NOC3L: variants seen among roughly 807,000 people sequenced by gnomAD.
The protein encoded by NOC3L is nucleolar complex protein 3 homolog.
NOC3L carries 85 observed loss-of-function variants against 102.5 expected under a neutral mutation model. That is an observed-to-expected ratio of 0.83 (90% confidence interval 0.70 to 0.99). NOC3L has a LOEUF of 0.99. Among genes scored for constraint, NOC3L ranks in the 50% least tolerant of loss-of-function variants. The pLI, the probability that NOC3L is intolerant of heterozygous loss-of-function variation, is 0.00. For missense variants in NOC3L, 878 were observed against 914.9 expected, an observed-to-expected ratio of 0.96 and a Z score of 0.52; for synonymous variants, 303 against 309.4, an observed-to-expected ratio of 0.98 and a Z score of 0.22.
downstream of NOC3L, chr10:94,332,595 A>AT (rs1455221701): frequency 1.3e-5 from 2 of 152,066 alleles, no homozygotes; most frequent in Admixed American, 6.6e-5. Flanking sequence ...ATGCACAAAT[A>AT]TATTTCCTCA....
In NOC3L at chr10:94,358,122, C is replaced by T; in HGVS notation, c.311G>A (p.Gly104Glu). ...EDDLQLMKDL[G>E]QRVSFLTRDL... ...TCTTGTTAGAAAAGATACTCTTTGT[C>T]CTAAATCCTTCATTAACTGTAAGTC... The change falls in exon 3 of 21, where the codon GGA (glycine) becomes GAA (glutamate). Residue 104 changes from glycine to glutamate, a missense_variant. Transcript: ENST00000371361. The T allele has an allele frequency of 6.2e-7, 1 of 1,610,284 alleles. No homozygotes were observed. Among genetic ancestry groups the T allele is most frequent in the Non-Finnish European group, 8.5e-7 (1 of 1,176,960 alleles).
chr10:94,341,757 CAAAA>C lies in NOC3L; in HGVS notation c.1572-16_1572-13del. The C allele has an allele frequency of 6.7e-7, 1 of 1,499,374 alleles. No individual in the cohort carries two copies. Among genetic ancestry groups the C allele is most frequent in the Non-Finnish European group, 9.0e-7 (1 of 1,110,572 alleles). The allele number at this position is 1,499,374 out of a possible 1,614,324, so 92.9% of individuals were successfully genotyped here. A position where few individuals can be genotyped will look rare whatever the true frequency, so the allele number is the denominator to read the frequency against. On this transcript the variant is annotated splice_polypyrimidine_tract_variant and intron_variant, in intron 13 of 20. Transcript: ENST00000371361. ...TAAGGTGAGCAAACCTGGAATCAAA[CAAAA>C]CAGTTAATCAGTGAACTAAAAGCAG... is the stretch of plus-strand genomic sequence containing the variant.
At chr10:94,315,305 T>G in the NOC3L span, 1 of 425,978 alleles carries the variant, frequency 2.3e-6, no homozygotes, top group Non-Finnish European at 4.7e-6. Context: ...GGGCTTTGCC[T>G]TATTGGCAGG....
the NOC3L span, among the ~76,000 whole-genome samples, chr10:94,319,859 G>GTCAAAGA: frequency 1.0e-4 from 13 of 129,788 alleles, no homozygotes; most frequent in African/African-American, 3.8e-4. Context: ...AGGCTCAAAG[G>GTCAAAGA]TGCTCTTTTT....
chr10:94,331,802 G>C (rs188937916), downstream of NOC3L: 17 of 151,604 alleles, frequency 1.1e-4, no homozygotes, highest in East Asian at 3.3e-3. Flanking sequence ...TATGGATTCT[G>C]ACATAGGAAT....
intron 9 of NOC3L, among the ~76,000 whole-genome samples, chr10:94,349,903 C>T (rs1213135327): frequency 6.6e-6 from 1 of 151,990 alleles, no homozygotes; most frequent in Non-Finnish European, 1.5e-5. Context: ...GGACTACAGG[C>T]GCCTGCCACC....
At chr10:94,315,481 AG>A in the NOC3L span, 1 of 456,058 alleles carries the variant, frequency 2.2e-6, no homozygotes, top group Non-Finnish European at 4.4e-6. Flanking sequence ...AATATGAGTG[AG>A]AAAATACATT....
At chr10:94,337,607 CAT>C (rs2054236549) in intron 19 of NOC3L, among the ~76,000 whole-genome samples, 168 bp downstream of exon 19, 1 of 152,176 alleles carries the variant, frequency 6.6e-6, no homozygotes, top group Non-Finnish European at 1.5e-5. Flanking sequence ...TCAACAAAAT[CAT>C]AGCATGTTTT....
At chr10:94,318,821 G>A in the NOC3L span, among the ~76,000 whole-genome samples, 20,918 of 152,180 alleles carry the variant, frequency 0.14, 1,592 homozygotes, top group Middle Eastern at 0.27. Flanking sequence ...AGCACTTTGG[G>A]AAGCCAAGGC....
chr10:94,342,590 G>A (rs961966961), intron 13 of NOC3L, among the ~76,000 whole-genome samples: 4 of 148,416 alleles, frequency 2.7e-5, no homozygotes, highest in East Asian at 4.0e-4. Context: ...ACACACGTGC[G>A]CAAGTATTCC....
chr10:94,362,710 C>A, intron 1 of NOC3L, 120 bp downstream of exon 1: 1 of 1,044,644 alleles, frequency 9.6e-7, no homozygotes, highest in South Asian at 1.3e-5. Context: ...GGAAAGCCCC[C>A]AGTCTAAACC....
the NOC3L span, among the ~76,000 whole-genome samples, chr10:94,320,386 G>C: frequency 3.9e-5 from 6 of 152,026 alleles, no homozygotes; most frequent in Admixed American, 2.0e-4. Flanking sequence ...GTAATTATAA[G>C]GCCATGATTG....
intron 19 of NOC3L, among the ~76,000 whole-genome samples, chr10:94,336,831 G>A (rs1030205405): frequency 9.2e-5 from 14 of 151,726 alleles, no homozygotes; most frequent in South Asian, 2.1e-4. Context: ...CACTTTAGGA[G>A]GCCAAGGTAG....
chr10:94,325,124 C>A, the NOC3L span: 1 of 1,513,248 alleles, frequency 6.6e-7, no homozygotes, highest in Non-Finnish European at 9.2e-7. Flanking sequence ...GTCATTGCAC[C>A]ATCCTGGAAC....
chr10:94,340,309 G>A lies in NOC3L; in HGVS notation c.1747C>T (p.His583Tyr). The A allele has an allele frequency of 1.9e-6, 3 of 1,612,790 alleles. No homozygotes were observed. The highest frequency in any genetic ancestry group is 2.5e-6 in the Non-Finnish European group (3 of 1,179,436). Residue 583 changes from histidine to tyrosine, a missense_variant, in exon 16 of 21, where the codon CAT becomes TAT. By Grantham distance (83) the His-to-Tyr change is moderately conservative. Transcript: ENST00000371361. ...LNIDPLKFYT[H>Y]LYKTLFKLHA... is the part of the protein sequence containing the mutation. ...AATTTGAACAGTGTTTTGTAGAGAT[G>A]TGTGTAGAATTTCAATGGATCAATA... is the stretch of plus-strand genomic sequence containing the variant.
intron 1 of NOC3L, among the ~76,000 whole-genome samples, chr10:94,362,434 A>G (rs1042131721): frequency 3.9e-5 from 6 of 152,034 alleles, no homozygotes; most frequent in African/African-American, 1.4e-4. Context: ...CCCCAGGACT[A>G]CCTCTTATTT....
the NOC3L span, chr10:94,325,011 T>C: frequency 6.2e-7 from 1 of 1,614,158 alleles, no homozygotes. Flanking sequence ...CCTCAGAAAG[T>C]ATCCAAACCA....
intron 6 of NOC3L, among the ~76,000 whole-genome samples, chr10:94,354,618 T>C (rs926436271): frequency 5.3e-5 from 8 of 152,164 alleles, no homozygotes; most frequent in Non-Finnish European, 1.2e-4. Flanking sequence ...TTTTAAAAAC[T>C]CCACGGGTAT....
At chr10:94,343,140 GA>G (rs2054305338) in intron 13 of NOC3L, among the ~76,000 whole-genome samples, 1 of 151,638 alleles carries the variant, frequency 6.6e-6, no homozygotes, top group Admixed American at 6.6e-5. Flanking sequence ...ACATATATAG[GA>G]GGGGGAGCTT....
Sources: allele counts gnomAD v4.1 joint callset (sites outside exome capture counted in the v4.1 genomes callset), GRCh38; gene constraint gnomAD v4.1.1; transcripts MANE v1.5; gene names NCBI Gene and HGNC (gene_info 2026-07-23, HGNC 2026-07-21).